CHST11: variants seen among roughly 807,000 people sequenced by gnomAD.
CHST11 encodes carbohydrate sulfotransferase 11.
In CHST11, 9 loss-of-function variants were observed where a neutral mutation model predicts 30.4. The observed-to-expected ratio is 0.30, with a 90% CI of 0.18 to 0.52. The LOEUF (loss-of-function observed/expected upper bound fraction) is 0.52. Ranked by LOEUF, CHST11 falls within the 20% of genes least tolerant of loss-of-function variation. CHST11 has a pLI of 0.97. For missense variants in CHST11, 348 were observed against 460.6 expected (o/e 0.76, Z 2.24); for synonymous variants, 152 against 187.8 (o/e 0.81, Z 1.56).
chr12:104,753,560 G>A (rs535023658), intron 2 of CHST11, among the ~76,000 whole-genome samples: 17 of 152,178 alleles, frequency 1.1e-4, no homozygotes, highest in Non-Finnish European at 2.2e-4. Context: ...GGATTGATGG[G>A]GACCCATGAC....
intron 1 of CHST11, among the ~76,000 whole-genome samples, chr12:104,481,668 G>A (rs2037624140): frequency 6.6e-6 from 1 of 151,846 alleles, no homozygotes; most frequent in Non-Finnish European, 1.5e-5. Context: ...AGGGCTTTGG[G>A]GTTTCTGATA....
chr12:104,638,829 G>A (rs552888389), intron 2 of CHST11, among the ~76,000 whole-genome samples: 13 of 152,312 alleles, frequency 8.5e-5, no homozygotes, highest in Middle Eastern at 3.4e-3. Context: ...GTTTTCAGCC[G>A]CTTTTTTTCT....
intron 1 of CHST11, chr12:104,553,558 A>T (rs1197876658): frequency 4.3e-5 from 6 of 138,482 alleles, no homozygotes; most frequent in Non-Finnish European, 9.2e-5. Context: ...AAATCTTCAC[A>T]TGGTGTCAGC....
At chr12:104,579,983 T>C (rs1301221510) in intron 1 of CHST11, among the ~76,000 whole-genome samples, 1 of 152,214 alleles carries the variant, frequency 6.6e-6, no homozygotes, top group Non-Finnish European at 1.5e-5. Context: ...TTGCTTATAA[T>C]TGAAGACTGT....
chr12:104,507,122 A>G (rs181704105), intron 1 of CHST11, among the ~76,000 whole-genome samples: 5 of 152,300 alleles, frequency 3.3e-5, no homozygotes, highest in East Asian at 1.9e-4. Flanking sequence ...GTGACGGTTC[A>G]GTGCAGGGAC....
chr12:104,575,497 G>A (rs558684227), intron 1 of CHST11, among the ~76,000 whole-genome samples: 164 of 152,264 alleles, frequency 1.1e-3, no homozygotes, highest in African/African-American at 3.5e-3. Flanking sequence ...AGGCCTCTGC[G>A]AGTCCTCTGT....
At chr12:104,517,380 G>A (rs915629011) in intron 1 of CHST11, among the ~76,000 whole-genome samples, 3 of 152,190 alleles carry the variant, frequency 2.0e-5, no homozygotes, top group South Asian at 4.1e-4. Flanking sequence ...ATGGTCATCA[G>A]TGCCCTCTTC....
chr12:104,715,807 A>AT (rs1327963505), intron 2 of CHST11, among the ~76,000 whole-genome samples: 2 of 152,170 alleles, frequency 1.3e-5, no homozygotes, highest in Non-Finnish European at 2.9e-5. Context: ...CTCAGGGATG[A>AT]AAGGGTTCTG....
At chr12:104,730,352 C>T (rs1005175165) in intron 2 of CHST11, among the ~76,000 whole-genome samples, 28 of 152,352 alleles carry the variant, frequency 1.8e-4, no homozygotes, top group African/African-American at 6.5e-4. Flanking sequence ...AGATAATCCA[C>T]ACAAAACCTT....
chr12:104,479,227 A>G (rs529996236), intron 1 of CHST11, among the ~76,000 whole-genome samples: 3 of 152,024 alleles, frequency 2.0e-5, no homozygotes, highest in East Asian at 3.9e-4. Flanking sequence ...GCAGAGACCA[A>G]GCACCCTAGC....
chr12:104,527,721 T>C (rs2038141544), intron 1 of CHST11, among the ~76,000 whole-genome samples: 1 of 152,224 alleles, frequency 6.6e-6, no homozygotes, highest in Non-Finnish European at 1.5e-5. Flanking sequence ...AAAGATGATG[T>C]ATTAGTCTGT....
intron 2 of CHST11, among the ~76,000 whole-genome samples, chr12:104,668,650 C>T (rs931864312): frequency 2.0e-5 from 3 of 152,180 alleles, no homozygotes; most frequent in Non-Finnish European, 2.9e-5. Context: ...CTAGTTCCGA[C>T]GTTTATTATC....
In CHST11 at chr12:104,758,659, G is replaced by A. The variant is rs749601034; in HGVS notation, c.*856G>A. 3.9e-5 allele frequency: 6 copies of A among 152,144 alleles called. No individual in the cohort carries two copies. The highest frequency in any genetic ancestry group is 7.3e-5 in the Non-Finnish European group (5 of 68,028). 9.4% of individuals were successfully genotyped at this position (152,144 alleles called of 1,614,324 possible). A position where few individuals can be genotyped will look rare whatever the true frequency, so the allele number is the denominator to read the frequency against. ...TTATGTGACATAGAGCATCCAGCTC[G>A]ACAATTAGCAAACCCCTGATATTAT... On this transcript the variant is annotated 3_prime_UTR_variant, in exon 3 of 3. Coordinates refer to ENST00000303694, the MANE Select transcript of CHST11 (RefSeq NM_018413.6).
intron 1 of CHST11, among the ~76,000 whole-genome samples, chr12:104,549,888 C>T (rs1008284314): frequency 6.6e-6 from 1 of 152,172 alleles, no homozygotes; most frequent in African/African-American, 2.4e-5. Context: ...GCCTGGGCGA[C>T]AGAGTGAGAC....
At chr12:104,466,279 A>G (rs2037456932) in intron 1 of CHST11, among the ~76,000 whole-genome samples, 1 of 152,210 alleles carries the variant, frequency 6.6e-6, no homozygotes, top group South Asian at 2.1e-4. Flanking sequence ...GTAGTAGTTT[A>G]TATAATAATT....
At chr12:104,598,165 ACT>A (rs1292404291) in intron 1 of CHST11, among the ~76,000 whole-genome samples, 1 of 152,166 alleles carries the variant, frequency 6.6e-6, no homozygotes, top group Non-Finnish European at 1.5e-5. Flanking sequence ...AGGTGAATAT[ACT>A]CATGTGCATA....
intron 2 of CHST11, among the ~76,000 whole-genome samples, chr12:104,723,367 G>A (rs980385501): frequency 6.6e-6 from 1 of 152,200 alleles, no homozygotes; most frequent in Non-Finnish European, 1.5e-5. Context: ...GGGCGGGGTG[G>A]GCGTCTGGGG....
intron 2 of CHST11, among the ~76,000 whole-genome samples, chr12:104,657,663 G>T (rs1236589760): frequency 2.0e-5 from 3 of 152,178 alleles, no homozygotes; most frequent in African/African-American, 7.2e-5. Context: ...AATTTTGGAA[G>T]GATTTTCTCT....
intron 2 of CHST11, among the ~76,000 whole-genome samples, chr12:104,606,524 C>G (rs772747709): frequency 1.8e-4 from 27 of 152,300 alleles, no homozygotes; most frequent in South Asian, 1.2e-3. Context: ...GTTAAGTTAA[C>G]TGAGGCTCAG....
Sources: gnomAD v4.1 joint callset for allele counts (sites outside exome capture counted in the v4.1 genomes callset) on GRCh38, gnomAD v4.1.1 for gene constraint, MANE v1.5 for transcripts, NCBI Gene and HGNC (gene_info 2026-07-23, HGNC 2026-07-21) for gene names.